RALYL: variants seen among roughly 807,000 people sequenced by gnomAD.
RALYL encodes RALY RNA binding protein like, also known as RNA-binding Raly-like protein.
In RALYL, 29 loss-of-function variants were observed where a neutral mutation model predicts 35.1. That is an observed-to-expected ratio of 0.83 (90% CI 0.61 to 1.13). The LOEUF (loss-of-function observed/expected upper bound fraction) is 1.13, where lower values mean the gene tolerates loss of function less well. RALYL is among the 50% of genes most tolerant of loss of function. The pLI is 0.00. For missense variants in RALYL, 359 were observed against 360.4 expected (o/e 1.00, Z 0.03); for synonymous variants, 120 against 127.6 (o/e 0.94, Z 0.40).
intron 1 of RALYL, among the ~76,000 whole-genome samples, chr8:84,230,223 T>C (rs567201258): frequency 1.4e-3 from 220 of 152,228 alleles, no homozygotes; most frequent in Non-Finnish European, 2.6e-3. Flanking sequence ...AAAAATTATT[T>C]TATGGTAGCT....
At chr8:84,494,176 C>CT (rs1472889063) in intron 1 of RALYL, among the ~76,000 whole-genome samples, 6 of 152,076 alleles carry the variant, frequency 3.9e-5, no homozygotes, top group African/African-American at 1.4e-4. Flanking sequence ...TTCCCCATTG[C>CT]TTGTTTTTAT....
In RALYL at chr8:84,467,464, T is replaced by C. The variant is rs1293690143; in HGVS notation, c.-23-61835T>C. Among the ~76,000 whole-genome samples, 2 of 152,042 alleles carry C rather than the reference T, an allele frequency of 1.3e-5. 1 individual carries two copies. Among genetic ancestry groups the C allele is most frequent in the Middle Eastern group, 6.3e-3 (2 of 316 alleles). On this transcript the variant is annotated intron_variant, in intron 1 of 8. Coordinates refer to ENST00000521268, the MANE Select transcript of RALYL (RefSeq NM_173848.7). ...GTAGTTGAGCAGCTTTGAGTGGGAT[T>C]CTTAATCCTGAGTTCTAGTTTGATT...
rs1189581660 is a variant in RALYL, at chr8:84,420,881, GC to G, written c.-23-108417del. Among the ~76,000 whole-genome samples, 2 of 107,498 alleles carry G rather than the reference GC, an allele frequency of 1.9e-5. 1 individual carries two copies. The highest frequency in any genetic ancestry group is 8.6e-5 in the African/African-American group (2 of 23,152). The allele number at this position is 107,498 out of a possible 152,430, so 70.5% of individuals were successfully genotyped here. ...TAGTTATGCGGCGTTATTTCTGAGG[GC>G]TCTGTTCTGTTCCATTGATCTATAT... is the stretch of plus-strand genomic sequence containing the variant. On this transcript the variant is annotated intron_variant, in intron 1 of 8. Coordinates refer to ENST00000521268, the MANE Select transcript of RALYL (RefSeq NM_173848.7).
chr8:84,185,358 T>C, intron 1 of RALYL: 1 of 304,326 alleles, frequency 3.3e-6, no homozygotes, highest in Non-Finnish European at 6.2e-6. Flanking sequence ...GAGTGAGGGG[T>C]TGGTGATAGA....
chr8:84,603,670 G>T (rs573737763), intron 2 of RALYL, among the ~76,000 whole-genome samples: 4 of 152,140 alleles, frequency 2.6e-5, no homozygotes, highest in Admixed American at 6.5e-5. Context: ...TCCCTGCCTG[G>T]CTGGCTGCAA....
At chr8:84,569,643 C>T (rs1056865852) in intron 2 of RALYL, among the ~76,000 whole-genome samples, 2 of 151,690 alleles carry the variant, frequency 1.3e-5, no homozygotes, top group Non-Finnish European at 3.0e-5. Flanking sequence ...TTAGGGTCTT[C>T]ATTATAAATT....
intron 2 of RALYL, among the ~76,000 whole-genome samples, chr8:84,726,660 C>T (rs900496345): frequency 1.3e-5 from 2 of 151,882 alleles, no homozygotes; most frequent in African/African-American, 4.8e-5. Flanking sequence ...ATCTATTACT[C>T]TTACATGGAG....
chr8:84,689,713 A>G (rs1281629591), intron 2 of RALYL, among the ~76,000 whole-genome samples: 2 of 152,002 alleles, frequency 1.3e-5, no homozygotes, highest in African/African-American at 4.8e-5. Flanking sequence ...AAGTGTTCCT[A>G]TTTCTCCACA....
rs183489186 is a variant in RALYL at position 84,737,508 on chromosome 8, C to G, written c.257-37071C>G. Among the ~76,000 whole-genome samples, 806 of 151,958 alleles carry G rather than the reference C, an allele frequency of 5.3e-3. 4 individuals are homozygous for G. Among genetic ancestry groups the G allele is most frequent in the Non-Finnish European group, 8.7e-3 (589 of 67,942 alleles). The stretch of plus-strand genomic sequence containing the variant: ...ACACAGACTAGTGCTATTGGGGGAA[C>G]TATATATTAAGTAAAGGACATTCCC... On this transcript the variant is annotated intron_variant, in intron 2 of 8. Transcript: ENST00000521268.
At chr8:84,889,597 T>C (rs570774973) in intron 8 of RALYL, among the ~76,000 whole-genome samples, 6 of 152,296 alleles carry the variant, frequency 3.9e-5, no homozygotes, top group African/African-American at 1.4e-4. Context: ...GAGCGTTAAA[T>C]ATTATCTATA....
At chr8:84,693,037 C>T (rs762132621) in intron 2 of RALYL, among the ~76,000 whole-genome samples, 4 of 151,992 alleles carry the variant, frequency 2.6e-5, no homozygotes, top group Non-Finnish European at 5.9e-5. Flanking sequence ...AAATGTCTAA[C>T]TTCCAAGATC....
chr8:84,672,237 C>T (rs1002902335), intron 2 of RALYL, among the ~76,000 whole-genome samples: 1 of 152,162 alleles, frequency 6.6e-6, no homozygotes, highest in Non-Finnish European at 1.5e-5. Context: ...CAACAAGTTC[C>T]TCATCTCCAT....
At chr8:84,844,896 C>T (rs1406403211) in intron 4 of RALYL, among the ~76,000 whole-genome samples, 2 of 151,888 alleles carry the variant, frequency 1.3e-5, no homozygotes, top group African/African-American at 4.8e-5. Flanking sequence ...CATGTTCTCA[C>T]TCATAGGTGG....
At chr8:84,241,765 G>A (rs1239960796) in intron 1 of RALYL, among the ~76,000 whole-genome samples, 1 of 139,612 alleles carries the variant, frequency 7.2e-6, no homozygotes, top group Non-Finnish European at 1.5e-5. Context: ...ACAATAGAGG[G>A]AGACTGTGTC....
intron 4 of RALYL, among the ~76,000 whole-genome samples, chr8:84,808,291 T>G (rs779261643): frequency 7.2e-5 from 11 of 152,218 alleles, no homozygotes; most frequent in Non-Finnish European, 1.6e-4. Flanking sequence ...TTTGTTTGCT[T>G]TGTCGAAGAT....
intron 4 of RALYL, among the ~76,000 whole-genome samples, chr8:84,821,014 A>G (rs187202690): frequency 6.6e-6 from 1 of 152,270 alleles, no homozygotes; most frequent in African/African-American, 2.4e-5. Context: ...AATGCAAAAT[A>G]AGTGCTTTGA....
At chr8:84,276,494 G>A (rs1835405857) in intron 1 of RALYL, among the ~76,000 whole-genome samples, 1 of 152,114 alleles carries the variant, frequency 6.6e-6, no homozygotes, top group South Asian at 2.1e-4. Flanking sequence ...CCTGCGGTAA[G>A]AAAGAAAGCT....
chr8:84,190,021 C>T (rs187754649), intron 1 of RALYL, among the ~76,000 whole-genome samples: 3 of 152,306 alleles, frequency 2.0e-5, no homozygotes, highest in Admixed American at 6.5e-5. Flanking sequence ...TCAGAAGAGA[C>T]GGTTCTCTGT....
At chr8:84,279,753 AC>A (rs1392725424) in intron 1 of RALYL, among the ~76,000 whole-genome samples, 2 of 151,962 alleles carry the variant, frequency 1.3e-5, no homozygotes, top group African/African-American at 4.8e-5. Context: ...TATTTCTGTC[AC>A]CATATCTTTT....
Sources: allele counts gnomAD v4.1 joint callset (sites outside exome capture counted in the v4.1 genomes callset), GRCh38; gene constraint gnomAD v4.1.1; transcripts MANE v1.5; gene names NCBI Gene and HGNC (gene_info 2026-07-23, HGNC 2026-07-21).